Variants in EYS observed in about 807,000 individuals in gnomAD.
EYS encodes the protein protein eyes shut homolog.
In EYS, 250 loss-of-function variants were observed where a neutral mutation model predicts 282.1. The observed-to-expected ratio is 0.89, with a 90% confidence interval of 0.80 to 0.98. The LOEUF is 0.98. EYS is among the 50% of genes least tolerant of loss of function. The probability of loss-of-function intolerance (pLI) is 0.00; values close to 1 mark genes in which losing one functional copy is unlikely to be tolerated. For synonymous variants in EYS, 1,355 were observed against 1,282.9 expected (o/e 1.06, Z -1.20); for missense variants, 4,016 against 3,709.0 (o/e 1.08, Z -2.15).
intron 22 of EYS, among the ~76,000 whole-genome samples, chr6:64,798,702 G>T (rs1774441503): frequency 6.6e-6 from 1 of 150,538 alleles, no homozygotes; most frequent in Admixed American, 6.6e-5. Flanking sequence ...CCAAGTGGAG[G>T]AGATCCTTAG....
At chr6:64,542,030 T>C (rs1764706880) in intron 26 of EYS, among the ~76,000 whole-genome samples, 1 of 152,154 alleles carries the variant, frequency 6.6e-6, no homozygotes, top group Admixed American at 6.6e-5. Context: ...TTTATCTGTA[T>C]GATATATATT....
At chr6:65,619,714 T>G (rs962729682) in intron 2 of EYS, among the ~76,000 whole-genome samples, 1 of 151,282 alleles carries the variant, frequency 6.6e-6, no homozygotes, top group African/African-American at 2.4e-5. Context: ...TCTTATTATT[T>G]TGAGATACGT....
intron 37 of EYS, among the ~76,000 whole-genome samples, chr6:63,803,429 C>T (rs909114833): frequency 6.6e-6 from 1 of 152,086 alleles, no homozygotes; most frequent in Non-Finnish European, 1.5e-5. Flanking sequence ...TGATAAATCA[C>T]CATTTCTATA....
At chr6:65,483,370 G>A (rs563182976) in intron 5 of EYS, among the ~76,000 whole-genome samples, 8 of 152,176 alleles carry the variant, frequency 5.3e-5, no homozygotes, top group Admixed American at 3.3e-4. Flanking sequence ...CTTTAGGTAT[G>A]ACAATTATAA....
At chr6:63,853,274 C>T (rs1369252242) in intron 36 of EYS, among the ~76,000 whole-genome samples, 1 of 152,172 alleles carries the variant, frequency 6.6e-6, no homozygotes, top group Non-Finnish European at 1.5e-5. Context: ...TGATAAGCAA[C>T]TTCAGCAAAG....
chr6:64,545,481 A>C (rs9688889), intron 26 of EYS, among the ~76,000 whole-genome samples: 22,399 of 152,150 alleles, frequency 0.15, 1,747 homozygotes, highest in East Asian at 0.27. Flanking sequence ...TGCCCTCTCT[A>C]ACCACTCCTA....
intron 31 of EYS, among the ~76,000 whole-genome samples, chr6:64,114,337 C>T (rs1336859451): frequency 1.3e-5 from 2 of 151,832 alleles, no homozygotes; most frequent in Non-Finnish European, 2.9e-5. Flanking sequence ...CTTCATAATG[C>T]CTTTCTAAAC....
chr6:64,311,890 TC>T (rs923571961), intron 29 of EYS, among the ~76,000 whole-genome samples: 4 of 151,724 alleles, frequency 2.6e-5, no homozygotes, highest in African/African-American at 9.7e-5. Context: ...ACCAGGAGAC[TC>T]CCTCTGGTGC....
At chr6:64,751,234 G>A (rs1390206462) in intron 22 of EYS, among the ~76,000 whole-genome samples, 1 of 152,148 alleles carries the variant, frequency 6.6e-6, no homozygotes, top group African/African-American at 2.4e-5. Context: ...CCCTGGTTTT[G>A]GAGCTTAAGC....
At chr6:64,372,130 G>GTTTTGTTTTTTTTT in intron 29 of EYS, among the ~76,000 whole-genome samples, 1 of 97,718 alleles carries the variant, frequency 1.0e-5, no homozygotes, top group African/African-American at 4.7e-5. Context: ...GTATACTTGT[G>GTTTTGTTTTTTTTT]TTTTTTTTTT....
intron 2 of EYS, among the ~76,000 whole-genome samples, chr6:65,597,044 T>C (rs1477865166): frequency 1.3e-5 from 2 of 152,078 alleles, no homozygotes; most frequent in Non-Finnish European, 2.9e-5. Context: ...GTTCAAAACA[T>C]ACTAATGCAT....
chr6:64,388,699 C>A lies in EYS; in HGVS notation c.6069G>T (p.Gly2023=). 6.5e-7 allele frequency: 1 copy of A among 1,531,918 alleles called. No individual in the cohort carries two copies. Among genetic ancestry groups the A allele is most frequent in the Non-Finnish European group, 8.8e-7 (1 of 1,138,732 alleles). The allele number at this position is 1,531,918 out of a possible 1,614,324, so 94.9% of individuals were successfully genotyped here. A position where few individuals can be genotyped will look rare whatever the true frequency, so the allele number is the denominator to read the frequency against. ...VFIGGFPDLH[G]KIQMPVPVKN... ...ACATCTATAGAAATACCTGGATTTT[C>A]CCATGAAGGTCTGGAAATCCACCAA... Residue 2023 remains glycine, a synonymous_variant, in exon 29 of 43, where the codon GGG becomes GGT. Transcript: ENST00000503581.
chr6:65,421,936 G>C (rs929996987), intron 5 of EYS, among the ~76,000 whole-genome samples: 10 of 151,886 alleles, frequency 6.6e-5, no homozygotes, highest in Non-Finnish European at 1.0e-4. Flanking sequence ...AATGATCACA[G>C]AGCCCCATGT....
At chr6:65,365,519 G>T (rs969545349) in intron 8 of EYS, among the ~76,000 whole-genome samples, 1 of 80,554 alleles carries the variant, frequency 1.2e-5, no homozygotes, top group Non-Finnish European at 2.7e-5. Flanking sequence ...ATTGATGTTA[G>T]GTTTCTCTTT....
chr6:64,534,389 T>C (rs954373864), intron 26 of EYS, among the ~76,000 whole-genome samples: 6 of 152,088 alleles, frequency 3.9e-5, no homozygotes, highest in Non-Finnish European at 7.4e-5. Context: ...CTGTTCTATG[T>C]GAAACGAACA....
At chr6:64,478,533 C>T (rs1776343912) in intron 26 of EYS, among the ~76,000 whole-genome samples, 1 of 151,294 alleles carries the variant, frequency 6.6e-6, no homozygotes. Flanking sequence ...TTTGTCACTT[C>T]ATTTTTTTAA....
intron 33 of EYS, among the ~76,000 whole-genome samples, chr6:64,035,230 C>T (rs531902983): frequency 8.5e-5 from 13 of 152,298 alleles, no homozygotes; most frequent in African/African-American, 3.1e-4. Context: ...TTCAATTTTT[C>T]TTCATCTAGG....
chr6:63,725,196 T>C (rs535287516), intron 42 of EYS, among the ~76,000 whole-genome samples: 1 of 152,292 alleles, frequency 6.6e-6, no homozygotes, highest in South Asian at 2.1e-4. Flanking sequence ...CTGTAAGTAG[T>C]GTCTGATGGC....
intron 2 of EYS, among the ~76,000 whole-genome samples, chr6:65,627,088 G>A (rs571927697): frequency 6.7e-6 from 1 of 149,484 alleles, no homozygotes; most frequent in South Asian, 2.1e-4. Flanking sequence ...TATAAATATT[G>A]ATTACCTGAA....
Sources: allele counts gnomAD v4.1 joint callset (sites outside exome capture counted in the v4.1 genomes callset), GRCh38; gene constraint gnomAD v4.1.1; transcripts MANE v1.5; gene names NCBI Gene and HGNC (gene_info 2026-07-23, HGNC 2026-07-21).